PREX1: variants seen among roughly 807,000 people sequenced by gnomAD.
PREX1 encodes the protein phosphatidylinositol-3,4,5-trisphosphate dependent Rac exchange factor 1.
Under a neutral mutation model 198.3 loss-of-function variants are expected in PREX1, and 41 were observed. The observed-to-expected ratio is 0.21, with a 90% confidence interval of 0.16 to 0.27. The LOEUF is 0.27. Among genes scored for constraint, PREX1 ranks in the 10% least tolerant of loss-of-function variants. The probability of loss-of-function intolerance (pLI) is 1.00; values close to 1 mark genes in which losing one functional copy is unlikely to be tolerated. For synonymous variants in PREX1, 843 were observed against 887.2 expected (o/e 0.95, Z 0.89); for missense variants, 1,620 against 2,200.7 (o/e 0.74, Z 5.28).
In PREX1 at chr20:48,721,449, A is replaced by G. The variant is rs527618089; in HGVS notation, c.621+4841T>C. 3.3e-5 allele frequency among the ~76,000 whole-genome samples: 5 copies of G among 152,388 alleles called. No individual in the cohort carries two copies. The South Asian group carries it at 1.0e-3, about 32-fold the overall frequency. Reference sequence around the variant, plus strand: ...CTGACAAAGATGAAGAGTGAGCCTCAGGAGACATGGGGTAAAATGTCCCAG... The same window carrying G: ...CTGACAAAGATGAAGAGTGAGCCTCGGGAGACATGGGGTAAAATGTCCCAG... On this transcript the variant is annotated intron_variant, in intron 5 of 39. Transcript: ENST00000371941.
At chr20:48,817,332 C>T (rs2090463540) in intron 1 of PREX1, among the ~76,000 whole-genome samples, 1 of 152,162 alleles carries the variant, frequency 6.6e-6, no homozygotes, top group Non-Finnish European at 1.5e-5. Flanking sequence ...TAAATTCAGT[C>T]ACTTATTTCA....
chr20:48,677,391 A>G (rs2089717058), intron 13 of PREX1, among the ~76,000 whole-genome samples: 1 of 152,196 alleles, frequency 6.6e-6, no homozygotes, highest in Admixed American at 6.5e-5. Flanking sequence ...GAGGACAGAA[A>G]AATCTGCAGC....
intron 5 of PREX1, among the ~76,000 whole-genome samples, chr20:48,718,114 AC>A (rs2123109914): frequency 6.6e-6 from 1 of 152,328 alleles, no homozygotes; most frequent in East Asian, 1.9e-4. Flanking sequence ...CGTTTCCTGC[AC>A]GTGCCCTGCA....
chr20:48,659,816 C>T, intron 16 of PREX1, 103 bp downstream of exon 16: 1 of 1,517,282 alleles, frequency 6.6e-7, no homozygotes, highest in South Asian at 1.2e-5. Flanking sequence ...TCTGGTACTC[C>T]AAGCTGAGCC....
intron 5 of PREX1, among the ~76,000 whole-genome samples, chr20:48,711,957 G>C (rs2089933693): frequency 6.6e-6 from 1 of 152,228 alleles, no homozygotes; most frequent in South Asian, 2.1e-4. Context: ...AGGGTTGGCA[G>C]AACTTGGTGC....
chr20:48,653,525 G>A (rs1407903204), intron 19 of PREX1, 28 bp from the exon 20 acceptor site: 3 of 1,589,002 alleles, frequency 1.9e-6, no homozygotes, highest in East Asian at 2.3e-5. Context: ...ACATGAGGCT[G>A]GATGCCAGGC....
At chr20:48,798,999 C>A (rs1004026447) in intron 1 of PREX1, among the ~76,000 whole-genome samples, 41 of 152,138 alleles carry the variant, frequency 2.7e-4, no homozygotes, top group Non-Finnish European at 1.2e-4. Flanking sequence ...CGAGTTCAAG[C>A]AATTCTCCTG....
At chr20:48,796,031 C>A (rs143649776) in intron 1 of PREX1, among the ~76,000 whole-genome samples, 1,777 of 152,316 alleles carry the variant, frequency 0.012, 29 homozygotes, top group African/African-American at 0.041. Context: ...ACAAGAGCAA[C>A]TGGGGCTGGA....
intron 15 of PREX1, among the ~76,000 whole-genome samples, chr20:48,665,196 T>A (rs565635142): frequency 1.3e-5 from 2 of 150,764 alleles, no homozygotes; most frequent in African/African-American, 4.9e-5. Flanking sequence ...ACGGCCTGAG[T>A]TCTAATCCTG....
At chr20:48,809,178 A>G (rs2090424379) in intron 1 of PREX1, among the ~76,000 whole-genome samples, 1 of 152,230 alleles carries the variant, frequency 6.6e-6, no homozygotes. Context: ...GGAATAGTCA[A>G]GGAAGGCCTC....
At chr20:48,664,476 C>A (rs1371546205) in intron 15 of PREX1, among the ~76,000 whole-genome samples, 4 of 151,996 alleles carry the variant, frequency 2.6e-5, no homozygotes, top group African/African-American at 9.7e-5. Flanking sequence ...GGGGAGGGGT[C>A]AACTGAGCAG....
upstream of PREX1, among the ~76,000 whole-genome samples, chr20:48,832,975 T>C (rs948100332): frequency 6.6e-6 from 1 of 152,200 alleles, no homozygotes; most frequent in African/African-American, 2.4e-5. Context: ...CCTTTGGACA[T>C]TGTTGTAGCA....
At chr20:48,878,080 G>A in the PREX1 span, among the ~76,000 whole-genome samples, 2 of 151,976 alleles carry the variant, frequency 1.3e-5, no homozygotes, top group African/African-American at 2.4e-5. Flanking sequence ...CTGCACTCCA[G>A]CCTGGGCAAC....
chr20:48,805,511 AAT>A, intron 1 of PREX1, among the ~76,000 whole-genome samples: 1 of 152,204 alleles, frequency 6.6e-6, no homozygotes, highest in East Asian at 1.9e-4. Context: ...AGGGGCTGAG[AAT>A]ATGTCTTGGC....
Position 48,636,526 on chromosome 20 carries a change from C to T in PREX1, c.4104G>A (p.Leu1368=). The T allele has an allele frequency of 6.2e-7, 1 of 1,611,642 alleles. No individual in the cohort carries two copies. The highest frequency in any genetic ancestry group is 8.5e-7 in the Non-Finnish European group (1 of 1,179,630). Residue 1368 remains leucine (L), a synonymous_variant, in exon 32 of 40, where the codon CTG becomes CTA. Transcript: ENST00000371941. ...GGACGCCCGTGGCCGCCACCTGCTC[C>T]AGCCACTTGCGGCTGGCGTCGCGGC... ...ESSRDASRKW[L]EQVAATGVLL...
chr20:48,710,077 G>GCC (rs1236583315), intron 5 of PREX1, among the ~76,000 whole-genome samples: 1 of 152,180 alleles, frequency 6.6e-6, no homozygotes, highest in Non-Finnish European at 1.5e-5. Flanking sequence ...TCCTCTGGAG[G>GCC]CCCCAGCAAT....
intron 1 of PREX1, among the ~76,000 whole-genome samples, chr20:48,808,523 C>T (rs1483521340): frequency 6.6e-6 from 1 of 152,180 alleles, no homozygotes; most frequent in African/African-American, 2.4e-5. Flanking sequence ...CAGCCTCCTC[C>T]TCAGCCTCCA....
intron 1 of PREX1, among the ~76,000 whole-genome samples, chr20:48,748,786 G>A (rs1028206198): frequency 2.0e-5 from 3 of 152,252 alleles, no homozygotes; most frequent in African/African-American, 7.2e-5. Context: ...ACGTGGGGAG[G>A]CCGCAGGCCC....
chr20:48,782,911 T>C (rs2090296268), intron 1 of PREX1, among the ~76,000 whole-genome samples: 1 of 152,186 alleles, frequency 6.6e-6, no homozygotes, highest in African/African-American at 2.4e-5. Flanking sequence ...AAGATCGCTC[T>C]GGTTGCTGTG....
Sources: gnomAD v4.1 joint callset for allele counts (sites outside exome capture counted in the v4.1 genomes callset) on GRCh38, gnomAD v4.1.1 for gene constraint, MANE v1.5 for transcripts, NCBI Gene and HGNC (gene_info 2026-07-23, HGNC 2026-07-21) for gene names.